GNAL: variants seen among roughly 807,000 people sequenced by gnomAD.
GNAL encodes the protein G protein subunit alpha L.
In GNAL, 18 loss-of-function variants were observed where a neutral mutation model predicts 55.1. The ratio of observed to expected loss-of-function variants is 0.33; its 90% CI spans 0.23 to 0.48. GNAL has a LOEUF of 0.48. Among genes scored for constraint, GNAL ranks in the 20% least tolerant of loss-of-function variants. The pLI is 0.99. For synonymous variants in GNAL, 253 were observed against 237.0 expected (o/e 1.07, Z -0.62); for missense variants, 412 against 614.1 (o/e 0.67, Z 3.48).
chr18:11,844,361 G>T (rs1437197087), intron 5 of GNAL, among the ~76,000 whole-genome samples: 1 of 151,498 alleles, frequency 6.6e-6, no homozygotes, highest in Non-Finnish European at 1.5e-5. Context: ...TTGAACCCGG[G>T]AAGCAGAGGT....
intron 1 of GNAL, among the ~76,000 whole-genome samples, chr18:11,712,010 G>A (rs1406442020): frequency 6.6e-6 from 1 of 152,174 alleles, no homozygotes; most frequent in African/African-American, 2.4e-5. Flanking sequence ...TGCTCCTTCT[G>A]GTGTCTCACT....
At chr18:11,829,112 T>G (rs929172747) in intron 5 of GNAL, among the ~76,000 whole-genome samples, 1 of 152,226 alleles carries the variant, frequency 6.6e-6, no homozygotes, top group African/African-American at 2.4e-5. Flanking sequence ...AAAAACTGCC[T>G]TGTGAGCGAG....
chr18:11,753,378 T>C lies in GNAL; in HGVS notation c.450-250T>C, dbSNP rs541874174. Among the ~76,000 whole-genome samples the C allele has an allele frequency of 1.2e-4, 19 of 152,354 alleles. 2 individuals carry two copies. Among genetic ancestry groups the C allele is most frequent in the African/African-American group, 4.6e-4 (19 of 41,586 alleles). ...GATTTTGCCTAGTTTTTCTGTAACCTGCATAGTTGTTTAAAGCTATAGATT... is the reference window on the plus strand; with the variant it reads ...GATTTTGCCTAGTTTTTCTGTAACCCGCATAGTTGTTTAAAGCTATAGATT... On this transcript the variant is annotated intron_variant, in intron 2 of 11. Transcript: ENST00000334049.
chr18:11,706,334 C>T (rs1435208713), intron 1 of GNAL, among the ~76,000 whole-genome samples: 1 of 151,868 alleles, frequency 6.6e-6, no homozygotes, highest in Non-Finnish European at 1.5e-5. Flanking sequence ...TAAAAAAAAG[C>T]ACACCTTAAT....
At chr18:11,855,245 G>C (rs2035978455) in intron 5 of GNAL, among the ~76,000 whole-genome samples, 1 of 151,968 alleles carries the variant, frequency 6.6e-6, no homozygotes, top group Non-Finnish European at 1.5e-5. Flanking sequence ...CGGTCCCCTG[G>C]CTTCTTCACT....
At chr18:11,788,908 A>ATATATATATATATAT (rs372490535) in intron 4 of GNAL, among the ~76,000 whole-genome samples, 44 of 73,246 alleles carry the variant, frequency 6.0e-4, no homozygotes, top group South Asian at 3.5e-3. Flanking sequence ...AAAAAAAAAA[A>ATATATATATATATAT]AAAAAAATAT....
At chr18:11,787,989 G>T (rs182113169) in intron 4 of GNAL, among the ~76,000 whole-genome samples, 1 of 152,096 alleles carries the variant, frequency 6.6e-6, no homozygotes, top group Admixed American at 6.5e-5. Context: ...CATTGACATT[G>T]CCAACTTCCC....
Position 11,747,793 on chromosome 18 carries a change from T to C in GNAL, c.377-5060T>C, listed in dbSNP as rs191544592. Among the ~76,000 whole-genome samples the C allele has an allele frequency of 2.3e-4, 35 of 152,202 alleles. 1 individual carries two copies. The East Asian group carries it at 4.8e-3, about 21-fold the overall frequency. ...AGAGTGAGGAAACAACTGTTTTACTTTTGTGCCTTTCAAATTCTCCACGAG... is the reference window on the plus strand; with the variant it reads ...AGAGTGAGGAAACAACTGTTTTACTCTTGTGCCTTTCAAATTCTCCACGAG... On this transcript the variant is annotated intron_variant, in intron 1 of 11. Coordinates refer to ENST00000334049, the MANE Select transcript of GNAL (RefSeq NM_182978.4).
At position 11,817,479 on chromosome 18, in the gene GNAL, A is replaced by G. The variant is rs114943970; in HGVS notation, c.625-7439A>G. ...AAATGCTAAGGTAAACGTTAACCTCATGCAGTTGCTTAGTTGTTGAACTTG... is the reference window on the plus strand; with the variant it reads ...AAATGCTAAGGTAAACGTTAACCTCGTGCAGTTGCTTAGTTGTTGAACTTG... On this transcript the variant is annotated intron_variant, in intron 4 of 11. Transcript: ENST00000334049. Among the ~76,000 whole-genome samples, 1,112 of 152,356 alleles carry G rather than the reference A, an allele frequency of 7.3e-3. 7 individuals are homozygous for G. Among genetic ancestry groups the G allele is most frequent in the African/African-American group, 0.025 (1,052 of 41,584 alleles).
intron 4 of GNAL, among the ~76,000 whole-genome samples, chr18:11,798,986 G>A (rs577689897): frequency 5.1e-4 from 78 of 151,860 alleles, no homozygotes; most frequent in Non-Finnish European, 1.0e-3. Flanking sequence ...GGTGACGCAC[G>A]CCTGTAATCC....
Position 11,885,513 on chromosome 18 carries a change from A to C in GNAL, c.*4378A>C. On this transcript the variant is annotated 3_prime_UTR_variant, in exon 12 of 12. Coordinates refer to ENST00000334049, the MANE Select transcript of GNAL (RefSeq NM_182978.4). The stretch of plus-strand genomic sequence containing the variant: ...AATGTCATGCTGATTGGTTCCCGGA[A>C]GGGTGTTTGGCAAGGGGCAGTGTAT... The C allele has an allele frequency of 1.3e-6, 1 of 783,508 alleles. No homozygotes were observed. The highest frequency in any genetic ancestry group is 2.0e-6 in the Non-Finnish European group (1 of 493,576). The allele number at this position is 783,508 out of a possible 1,614,324, so 48.5% of individuals were successfully genotyped here.
chr18:11,875,116 G>A (rs2036500619), intron 10 of GNAL, among the ~76,000 whole-genome samples: 1 of 152,180 alleles, frequency 6.6e-6, no homozygotes, highest in South Asian at 2.1e-4. Context: ...TGCTCCGCAT[G>A]CCTGAGTGGG....
At chr18:11,780,579 A>T (rs1443966895) in intron 4 of GNAL, among the ~76,000 whole-genome samples, 1 of 152,208 alleles carries the variant, frequency 6.6e-6, no homozygotes, top group Non-Finnish European at 1.5e-5. Flanking sequence ...AGTCAGCTCC[A>T]GTAAAGTGTG....
chr18:11,836,741 T>C (rs1179486890), intron 5 of GNAL, among the ~76,000 whole-genome samples: 1 of 10,248 alleles, frequency 9.8e-5, no homozygotes, highest in Non-Finnish European at 8.3e-3. Flanking sequence ...TATGAGAGAC[T>C]ACTTTAGATT....
intron 1 of GNAL, among the ~76,000 whole-genome samples, chr18:11,693,975 CACAAGTAGCTGGGACT>C (rs1337318559): frequency 3.3e-5 from 5 of 151,772 alleles, no homozygotes; most frequent in African/African-American, 1.2e-4. Context: ...GCCTCAGCCC[CACAAGTAGCTGGGACT>C]ACAGGTACAT....
chr18:11,830,403 C>T (rs1368962603), intron 5 of GNAL, among the ~76,000 whole-genome samples: 1 of 151,718 alleles, frequency 6.6e-6, no homozygotes, highest in African/African-American at 2.4e-5. Flanking sequence ...TCTCCTGCCT[C>T]AGCCTCAGAA....
rs898722444 is a variant in GNAL at position 11,830,101 on chromosome 18, G to A, written c.722+5086G>A. 5.3e-5 allele frequency among the ~76,000 whole-genome samples: 8 copies of A among 152,008 alleles called. No individual in the cohort carries two copies. The East Asian group carries it at 7.7e-4, about 15-fold the overall frequency. On this transcript the variant is annotated intron_variant, in intron 5 of 11. Coordinates refer to ENST00000334049, the MANE Select transcript of GNAL (RefSeq NM_182978.4). ...AGCCAGTATTTGATGTGGTATTAAC[G>A]GAAACAGCCAACCCTCATCTCCTTG...
chr18:11,835,941 T>C (rs780039945), intron 5 of GNAL, among the ~76,000 whole-genome samples: 8 of 152,180 alleles, frequency 5.3e-5, no homozygotes, highest in Non-Finnish European at 1.2e-4. Flanking sequence ...GTCCAAAAGT[T>C]TGAGACCAGC....
chr18:11,788,306 C>CA (rs774901760), intron 4 of GNAL, among the ~76,000 whole-genome samples: 8 of 152,198 alleles, frequency 5.3e-5, no homozygotes, highest in Admixed American at 3.9e-4. Context: ...GGAGGTGTGG[C>CA]AGTCACAACG....
Sources: gnomAD v4.1 joint callset for allele counts (sites outside exome capture counted in the v4.1 genomes callset) on GRCh38, gnomAD v4.1.1 for gene constraint, MANE v1.5 for transcripts, NCBI Gene and HGNC (gene_info 2026-07-23, HGNC 2026-07-21) for gene names.